The following TIA1 variants were observed in gnomAD, a reference collection of about 807,000 sequenced individuals.
TIA1 encodes the protein TIA1 cytotoxic granule associated RNA binding protein.
TIA1 carries 23 observed loss-of-function variants against 65.9 expected under a neutral mutation model. The observed-to-expected ratio is 0.35, with a 90% CI of 0.25 to 0.49. The LOEUF (loss-of-function observed/expected upper bound fraction) is 0.49, where lower values mean the gene tolerates loss of function less well. TIA1 is among the 20% of genes least tolerant of loss of function. The pLI is 0.98. For synonymous variants in TIA1, 147 were observed against 149.4 expected (o/e 0.98, Z 0.12); for missense variants, 371 against 477.9 (o/e 0.78, Z 2.09).
chr2:70,239,898 T>C (rs997272784), intron 1 of TIA1, among the ~76,000 whole-genome samples: 2 of 152,212 alleles, frequency 1.3e-5, no homozygotes, highest in Non-Finnish European at 2.9e-5. Flanking sequence ...CACTAAATAG[T>C]GTAATCTAAT....
chr2:70,235,576 G>GTGTA (rs1688541890), intron 2 of TIA1, among the ~76,000 whole-genome samples: 2 of 149,412 alleles, frequency 1.3e-5, no homozygotes, highest in Middle Eastern at 3.4e-3. Flanking sequence ...GTGTGTATGT[G>GTGTA]TGTGTGTTTA....
chr2:70,209,455 C>A lies in TIA1; in HGVS notation c.*3264G>T, dbSNP rs1675924827. On this transcript the variant is annotated 3_prime_UTR_variant, in exon 13 of 13. Transcript: ENST00000433529. ...GGTAGAAAAACCTATTCAATTGAGA[C>A]ACACTCACACATTTTATTAAGGCTC... is the stretch of plus-strand genomic sequence containing the variant. The A allele has an allele frequency of 2.5e-6, 1 of 397,012 alleles. No homozygotes were observed. Among genetic ancestry groups the A allele is most frequent in the Admixed American group, 4.4e-5 (1 of 22,698 alleles). The allele number at this position is 397,012 out of a possible 1,614,324, so 24.6% of individuals were successfully genotyped here. A position where few individuals can be genotyped will look rare whatever the true frequency, so the allele number is the denominator to read the frequency against.
At chr2:70,233,072 A>T (rs1366977463) in intron 2 of TIA1, among the ~76,000 whole-genome samples, 4 of 152,260 alleles carry the variant, frequency 2.6e-5, no homozygotes, top group Non-Finnish European at 1.5e-5. Flanking sequence ...TTAAAATAAA[A>T]AACTAATTCA....
At chr2:70,233,089 T>C (rs768202054) in intron 2 of TIA1, among the ~76,000 whole-genome samples, 10 of 152,168 alleles carry the variant, frequency 6.6e-5, no homozygotes, top group African/African-American at 2.4e-4. Flanking sequence ...TTCAAAAGAC[T>C]AGAAAGCTAC....
chr2:70,216,577 A>G, intron 8 of TIA1, 78 bp from the exon 9 acceptor site: 1 of 1,398,758 alleles, frequency 7.1e-7, no homozygotes, highest in Non-Finnish European at 9.9e-7. Flanking sequence ...TCACTACACT[A>G]CTGTAAAGGT....
intron 10 of TIA1, 170 bp downstream of exon 10, chr2:70,216,038 C>T: frequency 3.2e-6 from 2 of 626,364 alleles, no homozygotes; most frequent in South Asian, 4.2e-5. Context: ...AGGCGTGAGC[C>T]ACCGCACCCG....
rs766155218 is a variant in TIA1 at position 70,212,675 on chromosome 2, C to T, written c.*44G>A. The T allele has an allele frequency of 2.5e-6, 3 of 1,210,826 alleles. No homozygotes were observed. Among genetic ancestry groups the T allele is most frequent in the Admixed American group, 1.7e-5 (1 of 59,516 alleles). 75.0% of individuals were successfully genotyped at this position (1,210,826 alleles called of 1,614,324 possible). On this transcript the variant is annotated 3_prime_UTR_variant, in exon 13 of 13. Coordinates refer to ENST00000433529, the MANE Select transcript of TIA1 (RefSeq NM_022173.4). The stretch of plus-strand genomic sequence containing the variant: ...AAGTAAACAACGGCTTTACTACACT[C>T]CCTGTAGCCTCAAGCCACTGGCTTT...
Position 70,211,802 on chromosome 2 carries a change from G to A in TIA1, c.*917C>T, listed in dbSNP as rs1360310958. On this transcript the variant is annotated 3_prime_UTR_variant, in exon 13 of 13. Coordinates refer to ENST00000433529, the MANE Select transcript of TIA1 (RefSeq NM_022173.4). The stretch of plus-strand genomic sequence containing the variant: ...ATGACATACAAAGTTTGCTAACTGT[G>A]CAAAATATTAAATTGCTAAAACATT... The A allele has an allele frequency of 6.6e-6, 1 of 152,564 alleles. No homozygotes were observed. Among genetic ancestry groups the A allele is most frequent in the African/African-American group, 2.4e-5 (1 of 41,432 alleles). The allele number at this position is 152,564 out of a possible 1,614,324, so 9.5% of individuals were successfully genotyped here.
intron 1 of TIA1, among the ~76,000 whole-genome samples, chr2:70,245,958 C>T (rs932741805): frequency 1.4e-5 from 2 of 143,544 alleles, no homozygotes; most frequent in Non-Finnish European, 3.0e-5. Context: ...AGCCTCCCTC[C>T]TGTTGCACAG....
intron 7 of TIA1, among the ~76,000 whole-genome samples, chr2:70,217,425 T>A (rs1180536883): frequency 6.6e-6 from 1 of 151,782 alleles, no homozygotes; most frequent in African/African-American, 2.4e-5. Context: ...CTTTTTTAAG[T>A]CTCGCTCTGT....
In TIA1 at chr2:70,248,502, G is replaced by A. The variant is rs11547900; in HGVS notation, c.-72C>T. 95 of 1,598,260 alleles carry A rather than the reference G, an allele frequency of 5.9e-5. No homozygotes were observed. In the Middle Eastern group the frequency reaches 2.1e-3, roughly 36 times the overall value. Reference sequence around the variant, plus strand: ...TCACTACCTCCCAAATCGTTTAAGCGGTTATGGCTACAGGATAGTGGGGTT... The same window carrying A: ...TCACTACCTCCCAAATCGTTTAAGCAGTTATGGCTACAGGATAGTGGGGTT... On this transcript the variant is annotated 5_prime_UTR_variant, in exon 1 of 13. Coordinates refer to ENST00000433529, the MANE Select transcript of TIA1 (RefSeq NM_022173.4).
chr2:70,228,037 A>T (rs1198846653), intron 5 of TIA1, among the ~76,000 whole-genome samples: 1 of 152,202 alleles, frequency 6.6e-6, no homozygotes, highest in Non-Finnish European at 1.5e-5. Context: ...ACTGTGATAC[A>T]TCTAACTGTA....
In TIA1 at chr2:70,215,244, T is replaced by C; in HGVS notation, c.888+127A>G. On this transcript the variant is annotated intron_variant, in intron 11 of 12. Transcript: ENST00000433529. ...AACACCATTCTGGAACTATAATACATGTAGGAAGAGCCCTTATATACTATC... is the reference window on the plus strand; with the variant it reads ...AACACCATTCTGGAACTATAATACACGTAGGAAGAGCCCTTATATACTATC... The C allele has an allele frequency of 5.9e-6, 7 of 1,194,372 alleles. No homozygotes were observed. In the East Asian group the frequency reaches 7.3e-5, roughly 12 times the overall value. The allele number at this position is 1,194,372 out of a possible 1,614,324, so 74.0% of individuals were successfully genotyped here. A position where few individuals can be genotyped will look rare whatever the true frequency, so the allele number is the denominator to read the frequency against.
chr2:70,212,589 T>A lies in TIA1; in HGVS notation c.*130A>T. On this transcript the variant is annotated 3_prime_UTR_variant, in exon 13 of 13. Coordinates refer to ENST00000433529, the MANE Select transcript of TIA1 (RefSeq NM_022173.4). ...TGATAAGTAATTTCATGATTAAAAA[T>A]GAATCTTTTAAATAAATACATTGTA... 1 of 569,752 alleles carries A rather than the reference T, an allele frequency of 1.8e-6. No individual in the cohort carries two copies. The highest frequency in any genetic ancestry group is 3.2e-6 in the Non-Finnish European group (1 of 314,740). 35.3% of individuals were successfully genotyped at this position (569,752 alleles called of 1,614,324 possible).
At chr2:70,221,675 C>T (rs1193220445) in intron 7 of TIA1, among the ~76,000 whole-genome samples, 1 of 152,080 alleles carries the variant, frequency 6.6e-6, no homozygotes, top group East Asian at 1.9e-4. Context: ...AGGATAGTGA[C>T]TGCTAATGAG....
Position 70,212,680 on chromosome 2 carries a change from T to C in TIA1, c.*39A>G, listed in dbSNP as rs202071613. On this transcript the variant is annotated 3_prime_UTR_variant, in exon 13 of 13. Coordinates refer to ENST00000433529, the MANE Select transcript of TIA1 (RefSeq NM_022173.4). ...AACAACGGCTTTACTACACTCCCTG[T>C]AGCCTCAAGCCACTGGCTTTAGATT... is the stretch of plus-strand genomic sequence containing the variant. The C allele has an allele frequency of 7.7e-7, 1 of 1,303,514 alleles. No homozygotes were observed. The highest frequency in any genetic ancestry group is 1.7e-5 in the Admixed American group (1 of 59,634). 80.7% of individuals were successfully genotyped at this position (1,303,514 alleles called of 1,614,324 possible). A position where few individuals can be genotyped will look rare whatever the true frequency, so the allele number is the denominator to read the frequency against.
intron 7 of TIA1, among the ~76,000 whole-genome samples, chr2:70,218,743 T>G (rs1679855394): frequency 6.6e-6 from 1 of 152,234 alleles, no homozygotes; most frequent in South Asian, 2.1e-4. Context: ...AGAAGGCCAT[T>G]CTTAGCGCTA....
At chr2:70,228,533 A>T (rs1684738391) in intron 5 of TIA1, 1 of 1,137,284 alleles carries the variant, frequency 8.8e-7, no homozygotes, top group Non-Finnish European at 1.1e-6. Flanking sequence ...CATTGGAGAG[A>T]AATAACCAAC....
chr2:70,214,976 A>G (rs978714042), intron 11 of TIA1: 1 of 196,930 alleles, frequency 5.1e-6, no homozygotes, highest in Non-Finnish European at 1.0e-5. Flanking sequence ...GCTGCCTGGA[A>G]AAAAAAGGCA....
Sources: gnomAD v4.1 joint callset for allele counts (sites outside exome capture counted in the v4.1 genomes callset) on GRCh38, gnomAD v4.1.1 for gene constraint, MANE v1.5 for transcripts, NCBI Gene and HGNC (gene_info 2026-07-23, HGNC 2026-07-21) for gene names.